Variants in PTPRM observed in about 807,000 individuals in gnomAD.
PTPRM encodes the protein protein tyrosine phosphatase receptor type M.
In PTPRM, 47 loss-of-function variants were observed where a neutral mutation model predicts 186.7. That is an observed-to-expected ratio of 0.25 (90% CI 0.20 to 0.32). The LOEUF is 0.32. Ranked by LOEUF, PTPRM falls within the 10% of genes least tolerant of loss-of-function variation. The pLI, the probability that PTPRM is intolerant of heterozygous loss-of-function variation, is 1.00. For synonymous variants in PTPRM, 668 were observed against 674.9 expected (o/e 0.99, Z 0.16); for missense variants, 1,494 against 1,865.0 (o/e 0.80, Z 3.66).
chr18:8,264,774 CAAA>C (rs577367071), intron 19 of PTPRM, among the ~76,000 whole-genome samples: 69 of 100,040 alleles, frequency 6.9e-4, no homozygotes, highest in Admixed American at 1.9e-3. Context: ...GACTCCATCT[CAAA>C]AAAAAAAAAA....
rs575629816 is a variant in PTPRM at position 8,405,737 on chromosome 18, G to C, written c.4345-372G>C. Among the ~76,000 whole-genome samples, 11 of 152,336 alleles carry C rather than the reference G, an allele frequency of 7.2e-5. No individual in the cohort carries two copies. The South Asian group carries it at 2.1e-3, about 29-fold the overall frequency. ...TCTAGGTACCAAGGGCCTTGTGAGA[G>C]ATGTCAGGAAGGCATTTCCTGAAGC... On this transcript the variant is annotated intron_variant, in intron 32 of 32. Coordinates refer to ENST00000580170, the MANE Select transcript of PTPRM (RefSeq NM_001105244.2).
intron 1 of PTPRM, among the ~76,000 whole-genome samples, chr18:7,694,179 G>A (rs553748502): frequency 6.6e-6 from 1 of 152,256 alleles, no homozygotes; most frequent in South Asian, 2.1e-4. Context: ...CCCTTGTATT[G>A]TCAACTTCTC....
In PTPRM at chr18:8,244,173, T is replaced by C; in HGVS notation, c.2416T>C (p.Phe806Leu). The change falls in exon 15 of 33, where the codon TTC (phenylalanine) becomes CTC (leucine). Residue 806 changes from phenylalanine to leucine, a missense_variant. This residue lies in a region of PTPRM where 1,107 missense variants were observed against 1,350.2 expected (regional missense o/e 0.82). Coordinates refer to ENST00000580170, the MANE Select transcript of PTPRM (RefSeq NM_001105244.2). ...GCAGGGCACAAACTGCGACGAGGCT[T>C]TCTCATTCATGGACACGCACAATCT... ...AEQGTNCDEAFSFMDTHNLNG... is the reference protein window; with the variant it reads ...AEQGTNCDEALSFMDTHNLNG... 6.3e-7 allele frequency: 1 copy of C among 1,594,938 alleles called. No homozygotes were observed.
Position 7,973,386 on chromosome 18 carries a change from C to T in PTPRM, c.1132+17972C>T, listed in dbSNP as rs11874072. 1.9e-3 allele frequency among the ~76,000 whole-genome samples: 295 copies of T among 152,148 alleles called. 1 individual carries two copies. The highest frequency in any genetic ancestry group is 4.5e-3 in the African/African-American group (186 of 41,518). Reference sequence around the variant, plus strand: ...CAATGTCAGGGTCCTCAAATGCTTTCGAGCATTGAATATTAATGATCTTTT... The same window carrying T: ...CAATGTCAGGGTCCTCAAATGCTTTTGAGCATTGAATATTAATGATCTTTT... On this transcript the variant is annotated intron_variant, in intron 7 of 32. Coordinates refer to ENST00000580170, the MANE Select transcript of PTPRM (RefSeq NM_001105244.2).
In PTPRM at chr18:7,657,363, C is replaced by T. The variant is rs568530458; in HGVS notation, c.73+89472C>T. On this transcript the variant is annotated intron_variant, in intron 1 of 32. Transcript: ENST00000580170. ...TCTGAGTTAGGACAGTCATTCCTCC[C>T]GAGGTGGCTTGTCCTTTCTGATGAT... 6.6e-5 allele frequency among the ~76,000 whole-genome samples: 10 copies of T among 152,284 alleles called. 2 individuals carry two copies. Among genetic ancestry groups the T allele is most frequent in the African/African-American group, 2.4e-4 (10 of 41,558 alleles).
At chr18:7,962,236 A>G (rs1330628613) in intron 7 of PTPRM, among the ~76,000 whole-genome samples, 1 of 140,860 alleles carries the variant, frequency 7.1e-6, no homozygotes, top group Non-Finnish European at 1.5e-5. Flanking sequence ...AATAACATAC[A>G]TAAACAAACA....
intron 4 of PTPRM, among the ~76,000 whole-genome samples, chr18:7,911,033 T>A (rs1040649106): frequency 6.6e-6 from 1 of 152,240 alleles, no homozygotes; most frequent in Non-Finnish European, 1.5e-5. Flanking sequence ...TTGCGCTATA[T>A]GTGGCCCTTT....
At chr18:8,367,665 G>A (rs1432591711) in intron 23 of PTPRM, among the ~76,000 whole-genome samples, 1 of 152,252 alleles carries the variant, frequency 6.6e-6, no homozygotes, top group African/African-American at 2.4e-5. Flanking sequence ...AGAGGGCCCA[G>A]GGTCGGATTT....
intron 1 of PTPRM, among the ~76,000 whole-genome samples, chr18:7,676,405 C>T (rs1344942711): frequency 4.6e-5 from 7 of 152,034 alleles, no homozygotes; most frequent in Non-Finnish European, 7.4e-5. Flanking sequence ...GCCTCCTGTC[C>T]GTCTTGTCCT....
At chr18:7,783,308 G>A (rs1216384202) in intron 2 of PTPRM, among the ~76,000 whole-genome samples, 2 of 152,154 alleles carry the variant, frequency 1.3e-5, no homozygotes, top group Non-Finnish European at 1.5e-5. Context: ...GCTCCATAGT[G>A]TGAGGGACTC....
In PTPRM at chr18:7,884,924, C is replaced by CAAAAA. The variant is rs56724615; in HGVS notation, c.197-3159_197-3155dup. Among the ~76,000 whole-genome samples, 18 of 37,836 alleles carry CAAAAA rather than the reference C, an allele frequency of 4.8e-4. 4 individuals are homozygous for CAAAAA. In the East Asian group the frequency reaches 7.0e-3, roughly 15 times the overall value. 24.8% of individuals were successfully genotyped at this position (37,836 alleles called of 152,430 possible). On this transcript the variant is annotated intron_variant, in intron 2 of 32. Transcript: ENST00000580170. ...GGGCGACGAGAGCAAAGCTCCATCT[C>CAAAAA]AAAAAAAAAAAAAAAAAAAAAAAAA...
intron 7 of PTPRM, among the ~76,000 whole-genome samples, chr18:8,031,803 G>A (rs2085993685): frequency 6.6e-6 from 1 of 152,144 alleles, no homozygotes; most frequent in Non-Finnish European, 1.5e-5. Context: ...TCTTTTCTAG[G>A]CCAGTCAAGC....
intron 1 of PTPRM, among the ~76,000 whole-genome samples, chr18:7,737,342 G>C (rs1405892050): frequency 1.3e-5 from 2 of 152,084 alleles, no homozygotes; most frequent in Non-Finnish European, 2.9e-5. Context: ...TGATCCACCT[G>C]CCTCGGCCTC....
chr18:7,887,259 G>C (rs185157393), intron 2 of PTPRM, among the ~76,000 whole-genome samples: 8 of 152,172 alleles, frequency 5.3e-5, no homozygotes, highest in Admixed American at 2.0e-4. Context: ...TATGGGGAAG[G>C]CTCAAGTGCT....
Position 8,063,117 on chromosome 18 carries a change from G to T in PTPRM, c.1133-6569G>T, listed in dbSNP as rs1356882707. ...GTGCTGGCAATCAGCGAGACTCCGT[G>T]GGCGTAGGACCCTCCGAGCCAGGTG... On this transcript the variant is annotated intron_variant, in intron 7 of 32. Transcript: ENST00000580170. Among the ~76,000 whole-genome samples the T allele has an allele frequency of 2.8e-3, 431 of 151,558 alleles. 1 individual carries two copies. Among genetic ancestry groups the T allele is most frequent in the Non-Finnish European group, 4.8e-3 (323 of 67,950 alleles).
intron 1 of PTPRM, among the ~76,000 whole-genome samples, chr18:7,688,401 G>A (rs1236189905): frequency 1.3e-5 from 2 of 152,146 alleles, no homozygotes; most frequent in Non-Finnish European, 2.9e-5. Context: ...AGATTCTGTG[G>A]GGGAAATACA....
intron 7 of PTPRM, among the ~76,000 whole-genome samples, chr18:8,013,447 G>A (rs1305838184): frequency 1.3e-5 from 2 of 152,122 alleles, no homozygotes; most frequent in African/African-American, 4.8e-5. Context: ...AAGTAAGCTA[G>A]AGAAGATAAA....
chr18:8,194,535 C>G (rs1358202833), intron 14 of PTPRM, among the ~76,000 whole-genome samples: 1 of 152,184 alleles, frequency 6.6e-6, no homozygotes, highest in Non-Finnish European at 1.5e-5. Flanking sequence ...ACAGGCAGGC[C>G]CCTTTATGAA....
rs764547664 is a variant in PTPRM, at chr18:8,406,498, G to A, written c.*336G>A. On this transcript the variant is annotated 3_prime_UTR_variant, in exon 33 of 33. Coordinates refer to ENST00000580170, the MANE Select transcript of PTPRM (RefSeq NM_001105244.2). ...CCTTTGGGGTATTATTTTGTGGCCC[G>A]TGACCCTCGTTATTGTTACAGCTGA... 7 of 242,620 alleles carry A rather than the reference G, an allele frequency of 2.9e-5. No individual in the cohort carries two copies. The highest frequency in any genetic ancestry group is 8.3e-5 in the South Asian group (1 of 12,028). 15.0% of individuals were successfully genotyped at this position (242,620 alleles called of 1,614,324 possible). A position where few individuals can be genotyped will look rare whatever the true frequency, so the allele number is the denominator to read the frequency against.
Sources: gnomAD v4.1 joint callset for allele counts (sites outside exome capture counted in the v4.1 genomes callset) on GRCh38, gnomAD v4.1.1 for gene constraint, gnomAD v4.1.1 regional missense constraint, MANE v1.5 for transcripts, NCBI Gene and HGNC (gene_info 2026-07-23, HGNC 2026-07-21) for gene names.